Variants in LNPK observed in about 807,000 individuals in gnomAD.
LNPK encodes the protein endoplasmic reticulum junction formation protein lunapark.
Under a neutral mutation model 55.2 loss-of-function variants are expected in LNPK, and 29 were observed. The observed-to-expected ratio is 0.53, with a 90% CI of 0.39 to 0.72. The LOEUF (loss-of-function observed/expected upper bound fraction) is 0.72. Ranked by LOEUF, LNPK falls within the 30% of genes least tolerant of loss-of-function variation. The probability of loss-of-function intolerance (pLI) is 0.00; values close to 1 mark genes in which losing one functional copy is unlikely to be tolerated. For synonymous variants in LNPK, 162 were observed against 168.2 expected, an observed-to-expected ratio of 0.96 and a Z score of 0.29; for missense variants, 467 against 494.8, an observed-to-expected ratio of 0.94 and a Z score of 0.53.
At chr2:175,992,525 A>G (rs372991780) in intron 3 of LNPK, 107 bp from the exon 4 acceptor site, 2 of 611,646 alleles carry the variant, frequency 3.3e-6, no homozygotes, top group Non-Finnish European at 2.7e-6. Context: ...ACTCTTATTT[A>G]AAGTTCAGTA....
At chr2:175,990,477 A>T (rs113499366) in intron 4 of LNPK, among the ~76,000 whole-genome samples, 252 of 152,290 alleles carry the variant, frequency 1.7e-3, no homozygotes, top group African/African-American at 5.8e-3. Context: ...AATAAACCTC[A>T]TTTCTTTATA....
At chr2:175,972,661 G>A (rs1395700525) in intron 5 of LNPK, among the ~76,000 whole-genome samples, 6 of 152,140 alleles carry the variant, frequency 3.9e-5, no homozygotes, top group Admixed American at 1.3e-4. Flanking sequence ...CATTAATGCT[G>A]ATCTGTAATG....
chr2:175,981,300 T>C (rs1241547785), intron 4 of LNPK, among the ~76,000 whole-genome samples: 1 of 152,210 alleles, frequency 6.6e-6, no homozygotes, highest in Non-Finnish European at 1.5e-5. Flanking sequence ...GCTGTCATGA[T>C]ATGAGAACAG....
intron 1 of LNPK, among the ~76,000 whole-genome samples, chr2:176,000,876 A>G (rs549633759): frequency 1.3e-5 from 2 of 152,210 alleles, no homozygotes; most frequent in African/African-American, 4.8e-5. Flanking sequence ...TTATATATTA[A>G]GCACTCTTAA....
At chr2:175,996,261 T>C (rs967945072) in intron 1 of LNPK, among the ~76,000 whole-genome samples, 1 of 152,252 alleles carries the variant, frequency 6.6e-6, no homozygotes, top group African/African-American at 2.4e-5. Flanking sequence ...GTTCTCTATG[T>C]TGTTCTGGTA....
At chr2:175,991,532 G>A (rs1355269621) in intron 4 of LNPK, among the ~76,000 whole-genome samples, 1 of 152,118 alleles carries the variant, frequency 6.6e-6, no homozygotes, top group South Asian at 2.1e-4. Flanking sequence ...CTGAGGCAAT[G>A]CCCCTATTAA....
At chr2:175,944,339 T>C (rs1261619153) in intron 9 of LNPK, among the ~76,000 whole-genome samples, 2 of 152,058 alleles carry the variant, frequency 1.3e-5, no homozygotes, top group Non-Finnish European at 2.9e-5. Context: ...AAGATACTAA[T>C]GGTGAGTTGG....
intron 5 of LNPK, among the ~76,000 whole-genome samples, chr2:175,974,383 G>A (rs1035207110): frequency 4.6e-5 from 7 of 152,068 alleles, no homozygotes; most frequent in African/African-American, 9.7e-5. Context: ...TGCATCGGTC[G>A]TACAACAGTG....
Position 175,939,490 on chromosome 2 carries a change from T to C in LNPK, c.812+62A>G, listed in dbSNP as rs1270471685. 7.9e-6 allele frequency: 7 copies of C among 883,992 alleles called. No individual in the cohort carries two copies. The East Asian group carries it at 1.8e-4, about 22-fold the overall frequency. The allele number at this position is 883,992 out of a possible 1,614,324, so 54.8% of individuals were successfully genotyped here. A position where few individuals can be genotyped will look rare whatever the true frequency, so the allele number is the denominator to read the frequency against. On this transcript the variant is annotated intron_variant, in intron 10 of 12. Transcript: ENST00000272748. ...TGCCACAAAACTAAAACATCTAGTG[T>C]GTACACACACACACACATCCTGTTT... is the stretch of plus-strand genomic sequence containing the variant.
rs190666816 is a variant in LNPK, at chr2:175,950,337, T to G, written c.494-2645A>C. On this transcript the variant is annotated intron_variant, in intron 8 of 12. Coordinates refer to ENST00000272748, the MANE Select transcript of LNPK (RefSeq NM_030650.3). Reference sequence around the variant, plus strand: ...CATAGGAGGAATAAGAGCTAGTGTTTGACAGTACAGTAGGGTGACTACAAT... The same window carrying G: ...CATAGGAGGAATAAGAGCTAGTGTTGGACAGTACAGTAGGGTGACTACAAT... Among the ~76,000 whole-genome samples, 166 of 152,194 alleles carry G rather than the reference T, an allele frequency of 1.1e-3. 1 individual carries two copies. Among genetic ancestry groups the G allele is most frequent in the African/African-American group, 3.7e-3 (153 of 41,534 alleles).
intron 8 of LNPK, among the ~76,000 whole-genome samples, chr2:175,956,291 A>AAT (rs1313244187): frequency 6.6e-6 from 1 of 151,754 alleles, no homozygotes; most frequent in African/African-American, 2.4e-5. Context: ...AAAAAAAAAA[A>AAT]AAAAAGATTT....
At chr2:175,986,481 A>G (rs1574892165) in intron 4 of LNPK, among the ~76,000 whole-genome samples, 1 of 152,264 alleles carries the variant, frequency 6.6e-6, no homozygotes, top group East Asian at 1.9e-4. Flanking sequence ...CCATGGCATA[A>G]AACTAAAGCA....
intron 3 of LNPK, among the ~76,000 whole-genome samples, chr2:175,992,723 CAAAT>C (rs1229147148): frequency 6.6e-6 from 1 of 151,936 alleles, no homozygotes; most frequent in Non-Finnish European, 1.5e-5. Context: ...TTTGTTGAGT[CAAAT>C]AAGTAATAAT....
At chr2:175,989,156 C>A (rs1687575334) in intron 4 of LNPK, among the ~76,000 whole-genome samples, 1 of 152,100 alleles carries the variant, frequency 6.6e-6, no homozygotes, top group Admixed American at 6.5e-5. Flanking sequence ...TGTTTGTCAA[C>A]CTAGCTGGAT....
chr2:175,926,250 T>G lies in LNPK; in HGVS notation c.*3717A>C, dbSNP rs757682218. The G allele has an allele frequency of 4.6e-5, 7 of 152,226 alleles. No individual in the cohort carries two copies. The highest frequency in any genetic ancestry group is 1.0e-4 in the Non-Finnish European group (7 of 68,056). 9.4% of individuals were successfully genotyped at this position (152,226 alleles called of 1,614,324 possible). A position where few individuals can be genotyped will look rare whatever the true frequency, so the allele number is the denominator to read the frequency against. Reference sequence around the variant, plus strand: ...AAAAGCATGTGTTGAAAACTTATGCTAACTGTTGCATTGGAAGGTGGAGCC... The same window carrying G: ...AAAAGCATGTGTTGAAAACTTATGCGAACTGTTGCATTGGAAGGTGGAGCC... On this transcript the variant is annotated 3_prime_UTR_variant, in exon 13 of 13. Coordinates refer to ENST00000272748, the MANE Select transcript of LNPK (RefSeq NM_030650.3).
chr2:175,967,964 A>C (rs1686452370), intron 6 of LNPK, among the ~76,000 whole-genome samples: 1 of 152,224 alleles, frequency 6.6e-6, no homozygotes, highest in Non-Finnish European at 1.5e-5. Flanking sequence ...ATTTCATGGA[A>C]TATCACGCAC....
At chr2:175,934,539 CA>C (rs1684443841) in intron 12 of LNPK, among the ~76,000 whole-genome samples, 1 of 151,966 alleles carries the variant, frequency 6.6e-6, no homozygotes, top group African/African-American at 2.4e-5. Context: ...ACAATATTAA[CA>C]GTAACATTTT....
intron 4 of LNPK, among the ~76,000 whole-genome samples, chr2:175,986,561 T>C (rs1228257283): frequency 6.6e-6 from 1 of 151,786 alleles, no homozygotes; most frequent in Non-Finnish European, 1.5e-5. Flanking sequence ...AGAATGAAAA[T>C]AAAGAAAAGT....
intron 4 of LNPK, among the ~76,000 whole-genome samples, chr2:175,986,576 G>A (rs541709834): frequency 1.3e-5 from 2 of 152,046 alleles, no homozygotes; most frequent in African/African-American, 4.8e-5. Flanking sequence ...AAAAGTTTTT[G>A]GATGTTTTTA....
Sources: gnomAD v4.1 joint callset for allele counts (sites outside exome capture counted in the v4.1 genomes callset) on GRCh38, gnomAD v4.1.1 for gene constraint, MANE v1.5 for transcripts, NCBI Gene and HGNC (gene_info 2026-07-23, HGNC 2026-07-21) for gene names.